PDE7B: variants seen among roughly 807,000 people sequenced by gnomAD.
PDE7B encodes the protein 3',5'-cyclic-AMP phosphodiesterase 7B.
In PDE7B, 29 loss-of-function variants were observed where a neutral mutation model predicts 56.2. That is an observed-to-expected ratio of 0.52 (90% CI 0.38 to 0.70). PDE7B has a LOEUF of 0.70. Ranked by LOEUF, PDE7B falls within the 30% of genes least tolerant of loss-of-function variation. PDE7B has a pLI of 0.00. For missense variants in PDE7B, 490 were observed against 565.0 expected (o/e 0.87, Z 1.35); for synonymous variants, 197 against 196.9 (o/e 1.00, Z 0.00).
rs567201122 is a variant in PDE7B, at chr6:135,897,991, G to A, written c.21+45972G>A. Among the ~76,000 whole-genome samples, 3 of 152,304 alleles carry A rather than the reference G, an allele frequency of 2.0e-5. No homozygotes were observed. In the South Asian group the frequency reaches 6.2e-4, roughly 32 times the overall value. ...AGGTTTAAGGCATGAAGAAGGGAAG[G>A]AGGCTTAATAAACCATGTCTGATCC... On this transcript the variant is annotated intron_variant, in intron 1 of 12. Coordinates refer to ENST00000308191, the MANE Select transcript of PDE7B (RefSeq NM_018945.4).
rs574490690 is a variant in PDE7B at position 135,854,479 on chromosome 6, C to T, written c.21+2460C>T. Among the ~76,000 whole-genome samples the T allele has an allele frequency of 1.6e-4, 25 of 152,272 alleles. No individual in the cohort carries two copies. The South Asian group carries it at 1.7e-3, about 10-fold the overall frequency. ...TCTTATGGATTCAGCTCTGTATCCC[C>T]TCAAAAATCTACAGCTTAGTAGGTA... On this transcript the variant is annotated intron_variant, in intron 1 of 12. Transcript: ENST00000308191.
chr6:136,118,132 TTC>T (rs1346206993), intron 3 of PDE7B, among the ~76,000 whole-genome samples: 3 of 152,158 alleles, frequency 2.0e-5, no homozygotes, highest in Admixed American at 6.5e-5. Flanking sequence ...TGGATGTCCC[TTC>T]TCTCTCTGCT....
chr6:135,871,973 A>G (rs908655541), intron 1 of PDE7B, among the ~76,000 whole-genome samples: 9 of 152,242 alleles, frequency 5.9e-5, no homozygotes, highest in African/African-American at 2.2e-4. Context: ...AGCAATAATA[A>G]CAGAAATGAG....
chr6:136,142,835 C>G (rs1191131201), intron 3 of PDE7B, among the ~76,000 whole-genome samples: 2 of 138,024 alleles, frequency 1.4e-5, no homozygotes, highest in African/African-American at 5.8e-5. Flanking sequence ...TATTTTGAGC[C>G]TATGTGTGTC....
intron 3 of PDE7B, among the ~76,000 whole-genome samples, chr6:136,142,583 C>T (rs1351670335): frequency 6.6e-6 from 1 of 152,096 alleles, no homozygotes; most frequent in Non-Finnish European, 1.5e-5. Context: ...TGTGTGGGAG[C>T]CTAAGTCTCT....
At chr6:135,966,727 C>T (rs764058975) in intron 2 of PDE7B, among the ~76,000 whole-genome samples, 4 of 152,294 alleles carry the variant, frequency 2.6e-5, no homozygotes, top group Non-Finnish European at 5.9e-5. Flanking sequence ...CAGCATTTCT[C>T]TACTCCCATC....
chr6:136,162,289 A>G (rs1242017887), intron 8 of PDE7B: 1 of 152,184 alleles, frequency 6.6e-6, no homozygotes, highest in Non-Finnish European at 1.5e-5. Context: ...GAAGCTTACA[A>G]TCATAGCAGA....
intron 8 of PDE7B, among the ~76,000 whole-genome samples, chr6:136,171,641 T>TTTA (rs1400869132): frequency 1.3e-5 from 2 of 152,010 alleles, no homozygotes; most frequent in East Asian, 1.9e-4. Context: ...TCACTTTTTT[T>TTTA]TTATTATTAT....
chr6:136,002,169 C>A (rs897824101), intron 2 of PDE7B, among the ~76,000 whole-genome samples: 1 of 152,122 alleles, frequency 6.6e-6, no homozygotes, highest in Non-Finnish European at 1.5e-5. Flanking sequence ...TTGTCACCAC[C>A]AGGCCTGGCC....
At chr6:136,025,967 AATG>A (rs1776143053) in intron 2 of PDE7B, among the ~76,000 whole-genome samples, 1 of 152,208 alleles carries the variant, frequency 6.6e-6, no homozygotes, top group Non-Finnish European at 1.5e-5. Flanking sequence ...AGCCTTGCTA[AATG>A]GCTCCAAAAG....
chr6:136,127,450 TG>T (rs1778042395), intron 3 of PDE7B, among the ~76,000 whole-genome samples: 2 of 152,252 alleles, frequency 1.3e-5, no homozygotes, highest in Non-Finnish European at 2.9e-5. Context: ...TGATAGCTTT[TG>T]GTTCCAAAGT....
chr6:136,188,387 TAC>T (rs1481859380), intron 12 of PDE7B, among the ~76,000 whole-genome samples: 1 of 151,914 alleles, frequency 6.6e-6, no homozygotes, highest in Non-Finnish European at 1.5e-5. Context: ...GAAAAGATAA[TAC>T]AGAGTTGCTG....
chr6:135,892,636 A>G (rs2128190354), intron 1 of PDE7B, among the ~76,000 whole-genome samples: 1 of 152,300 alleles, frequency 6.6e-6, no homozygotes, highest in Non-Finnish European at 1.5e-5. Flanking sequence ...TATTATTCAA[A>G]TACCATTTGC....
At chr6:135,860,203 T>G (rs1775118639) in intron 1 of PDE7B, among the ~76,000 whole-genome samples, 2 of 152,026 alleles carry the variant, frequency 1.3e-5, no homozygotes, top group East Asian at 3.8e-4. Flanking sequence ...GCAAGGAAAT[T>G]GAGACTCAGA....
chr6:136,003,622 G>C (rs1250183764), intron 2 of PDE7B, among the ~76,000 whole-genome samples: 4 of 152,142 alleles, frequency 2.6e-5, no homozygotes, highest in Non-Finnish European at 4.4e-5. Flanking sequence ...TAAATTCCTG[G>C]ACACATACAC....
rs772805303 is a variant in PDE7B, at chr6:136,191,591, G to A, written c.1127-23G>A. The stretch of plus-strand genomic sequence containing the variant: ...GCGGGTTTCACCACGCTGTGATGCT[G>A]AGCCTTGACTTGCCTGTTCTAGGTT... On this transcript the variant is annotated intron_variant, in intron 12 of 12. Coordinates refer to ENST00000308191, the MANE Select transcript of PDE7B (RefSeq NM_018945.4). 6 of 1,599,880 alleles carry A rather than the reference G, an allele frequency of 3.8e-6. No homozygotes were observed. The African/African-American group carries it at 8.0e-5, about 21-fold the overall frequency.
At chr6:136,088,502 A>C (rs1038941068) in intron 2 of PDE7B, among the ~76,000 whole-genome samples, 1 of 152,204 alleles carries the variant, frequency 6.6e-6, no homozygotes, top group Non-Finnish European at 1.5e-5. Flanking sequence ...AAGTCTTCAA[A>C]CTTTTGAAGA....
At chr6:136,092,727 C>A (rs934727775) in intron 2 of PDE7B, among the ~76,000 whole-genome samples, 5 of 152,158 alleles carry the variant, frequency 3.3e-5, no homozygotes, top group African/African-American at 1.2e-4. Flanking sequence ...TGCCACTGCA[C>A]TCCAGCCTGG....
At chr6:136,061,827 G>A (rs576587435) in intron 2 of PDE7B, among the ~76,000 whole-genome samples, 6 of 152,326 alleles carry the variant, frequency 3.9e-5, no homozygotes, top group African/African-American at 9.6e-5. Flanking sequence ...ACCCAGTGCT[G>A]AATCTTGATC....
Sources: allele counts gnomAD v4.1 joint callset (sites outside exome capture counted in the v4.1 genomes callset), GRCh38; gene constraint gnomAD v4.1.1; transcripts MANE v1.5; gene names NCBI Gene and HGNC (gene_info 2026-07-23, HGNC 2026-07-21).